Variants in RAB3GAP2 observed in about 807,000 individuals in gnomAD.
RAB3GAP2 encodes rab3 GTPase-activating protein non-catalytic subunit.
Under a neutral mutation model 185.3 loss-of-function variants are expected in RAB3GAP2, and 87 were observed. The ratio of observed to expected loss-of-function variants is 0.47; its 90% CI spans 0.39 to 0.56. RAB3GAP2 has a LOEUF of 0.56. Ranked by LOEUF, RAB3GAP2 falls within the 20% of genes least tolerant of loss-of-function variation. The pLI is 0.00. For synonymous variants in RAB3GAP2, 554 were observed against 576.1 expected (o/e 0.96, Z 0.55); for missense variants, 1,492 against 1,638.2 (o/e 0.91, Z 1.54).
intron 17 of RAB3GAP2, 146 bp from the exon 18 acceptor site, chr1:220,185,887 C>T (rs1168052496): frequency 9.4e-6 from 6 of 640,810 alleles, no homozygotes; most frequent in Non-Finnish European, 1.6e-5. Flanking sequence ...TATATTAAAT[C>T]TCAAGTTGCG....
intron 2 of RAB3GAP2, among the ~76,000 whole-genome samples, chr1:220,227,912 TG>T (rs1659430477): frequency 6.6e-6 from 1 of 152,150 alleles, no homozygotes; most frequent in Non-Finnish European, 1.5e-5. Context: ...CCAACACACC[TG>T]GCCAATTTTT....
intron 1 of RAB3GAP2, among the ~76,000 whole-genome samples, chr1:220,262,004 C>T (rs564001232): frequency 7.1e-4 from 107 of 151,720 alleles, no homozygotes; most frequent in African/African-American, 2.5e-3. Flanking sequence ...AAAAAAAACA[C>T]ACAGGCCAGG....
chr1:220,207,659 T>C (rs978671083), intron 7 of RAB3GAP2: 7 of 152,320 alleles, frequency 4.6e-5, no homozygotes, highest in Non-Finnish European at 1.0e-4. Flanking sequence ...GCCTCCTCAC[T>C]GACTTTGGGG....
chr1:220,254,661 T>G, intron 1 of RAB3GAP2: 1 of 807,212 alleles, frequency 1.2e-6, no homozygotes. Flanking sequence ...GTTTGTTTTC[T>G]GTTTGATTTT....
chr1:220,253,481 C>A (rs1315325775), intron 1 of RAB3GAP2: 2 of 1,495,816 alleles, frequency 1.3e-6, no homozygotes, highest in Non-Finnish European at 8.9e-7. Flanking sequence ...TGCCTGACGG[C>A]GCGTCTGACG....
intron 32 of RAB3GAP2, chr1:220,153,763 C>G: frequency 1.7e-6 from 1 of 572,216 alleles, no homozygotes; most frequent in Non-Finnish European, 2.9e-6. Context: ...CCCCCCACCC[C>G]ACGACAGGCC....
intron 11 of RAB3GAP2, 24 bp downstream of exon 11, chr1:220,195,274 T>C (rs755896391): frequency 1.9e-6 from 3 of 1,600,758 alleles, no homozygotes; most frequent in Admixed American, 3.3e-5. Context: ...GAGATATTTG[T>C]TATTTTAATT....
At chr1:220,186,773 G>T (rs890253498) in intron 17 of RAB3GAP2, among the ~76,000 whole-genome samples, 2 of 152,140 alleles carry the variant, frequency 1.3e-5, no homozygotes, top group Non-Finnish European at 2.9e-5. Context: ...TTAAAAAAAA[G>T]AAAATCAAGA....
chr1:220,262,448 A>C (rs182429617), intron 1 of RAB3GAP2, among the ~76,000 whole-genome samples: 1 of 152,288 alleles, frequency 6.6e-6, no homozygotes, highest in East Asian at 1.9e-4. Context: ...GCAAATCTGA[A>C]ACTCTGTATC....
Position 220,269,649 on chromosome 1 carries a change from G to T in RAB3GAP2, c.115+2574C>A, listed in dbSNP as rs1362147757. Among the ~76,000 whole-genome samples, 3 of 152,302 alleles carry T rather than the reference G, an allele frequency of 2.0e-5. No individual in the cohort carries two copies. In the East Asian group the frequency reaches 5.8e-4, roughly 29 times the overall value. On this transcript the variant is annotated intron_variant, in intron 1 of 34. Transcript: ENST00000358951. ...AGGCAGAAGAATTACTTGAACCCAG[G>T]AGGTGGAGGTTGTAGTAAGCTGAGA...
chr1:220,245,496 A>C (rs958615035), intron 1 of RAB3GAP2, among the ~76,000 whole-genome samples: 1 of 152,216 alleles, frequency 6.6e-6, no homozygotes, highest in South Asian at 2.1e-4. Context: ...ATTATATCCC[A>C]CACCTGGCTC....
chr1:220,179,959 C>T lies in RAB3GAP2; in HGVS notation c.2310+2298G>A, dbSNP rs185143967. On this transcript the variant is annotated intron_variant, in intron 21 of 34. Coordinates refer to ENST00000358951, the MANE Select transcript of RAB3GAP2 (RefSeq NM_012414.4). The stretch of plus-strand genomic sequence containing the variant: ...CAGGCAGATCACGAGGTCAAGAGAT[C>T]GAGACCATCCTGGCCAACATTGTGA... 4.8e-3 allele frequency among the ~76,000 whole-genome samples: 726 copies of T among 152,056 alleles called. 5 individuals are homozygous for T. Among genetic ancestry groups the T allele is most frequent in the African/African-American group, 0.016 (677 of 41,470 alleles).
At chr1:220,206,781 T>C (rs534849485) in intron 7 of RAB3GAP2, among the ~76,000 whole-genome samples, 3 of 152,330 alleles carry the variant, frequency 2.0e-5, no homozygotes, top group African/African-American at 4.8e-5. Context: ...TTGGATCTTC[T>C]CCTCTCAGAT....
At chr1:220,154,888 A>AT (rs947511184) in intron 31 of RAB3GAP2, among the ~76,000 whole-genome samples, 85 of 151,794 alleles carry the variant, frequency 5.6e-4, no homozygotes, top group African/African-American at 2.0e-3. Flanking sequence ...GCCAAGGCTA[A>AT]TTTTTTTGTA....
intron 28 of RAB3GAP2, among the ~76,000 whole-genome samples, chr1:220,161,331 C>T (rs752471566): frequency 6.6e-6 from 1 of 152,286 alleles, no homozygotes; most frequent in Non-Finnish European, 1.5e-5. Context: ...TGTGACTATA[C>T]ATTTAAAAGA....
chr1:220,224,206 A>C (rs1347547830), intron 2 of RAB3GAP2, among the ~76,000 whole-genome samples: 2 of 152,156 alleles, frequency 1.3e-5, no homozygotes, highest in Non-Finnish European at 2.9e-5. Flanking sequence ...CTGAACTTAG[A>C]AAAGTTAAAT....
intron 31 of RAB3GAP2, among the ~76,000 whole-genome samples, chr1:220,155,072 T>C (rs1030632811): frequency 6.6e-6 from 1 of 152,142 alleles, no homozygotes; most frequent in African/African-American, 2.4e-5. Flanking sequence ...AAACACCTTA[T>C]TTAAAAGAAC....
At chr1:220,261,420 T>G (rs1199625095) in intron 1 of RAB3GAP2, among the ~76,000 whole-genome samples, 1 of 152,198 alleles carries the variant, frequency 6.6e-6, no homozygotes, top group Admixed American at 6.5e-5. Flanking sequence ...AAAACCATGC[T>G]AAGGAAAAGA....
At chr1:220,190,988 C>T in intron 14 of RAB3GAP2, 80 bp downstream of exon 14, 4 of 1,332,184 alleles carry the variant, frequency 3.0e-6, no homozygotes, top group Non-Finnish European at 4.3e-6. Context: ...TAATAAGCAG[C>T]TTTAGTAAAG....
Sources: gnomAD v4.1 joint callset for allele counts (sites outside exome capture counted in the v4.1 genomes callset) on GRCh38, gnomAD v4.1.1 for gene constraint, MANE v1.5 for transcripts, NCBI Gene and HGNC (gene_info 2026-07-23, HGNC 2026-07-21) for gene names.